Variants in TNRC6C observed in about 807,000 individuals in gnomAD.
The protein encoded by TNRC6C is trinucleotide repeat-containing gene 6C protein.
A neutral mutation model predicts 153.7 loss-of-function variants in TNRC6C; 20 were observed. The observed-to-expected ratio is 0.13, with a 90% CI of 0.09 to 0.19. The LOEUF is 0.19. Among genes scored for constraint, TNRC6C ranks in the 10% least tolerant of loss-of-function variants. TNRC6C has a pLI of 1.00. For missense variants in TNRC6C, 1,987 were observed against 2,172.0 expected, an observed-to-expected ratio of 0.91 and a Z score of 1.69; for synonymous variants, 811 against 841.4, an observed-to-expected ratio of 0.96 and a Z score of 0.63.
At chr17:78,094,375 A>G (rs1344605136) in intron 16 of TNRC6C, among the ~76,000 whole-genome samples, 1 of 151,676 alleles carries the variant, frequency 6.6e-6, no homozygotes, top group East Asian at 1.9e-4. Context: ...TTCCCAAAAC[A>G]TTGAATTTCC....
chr17:77,981,357 G>T (rs980659006), intron 1 of TNRC6C, among the ~76,000 whole-genome samples: 1 of 152,182 alleles, frequency 6.6e-6, no homozygotes, highest in African/African-American at 2.4e-5. Context: ...GGAGGGTAGG[G>T]CTGAAAGTCC....
At chr17:78,038,657 C>T (rs1457939811) in intron 2 of TNRC6C, among the ~76,000 whole-genome samples, 11 of 137,650 alleles carry the variant, frequency 8.0e-5, no homozygotes, top group Admixed American at 1.6e-4. Context: ...CCAGCCTGGG[C>T]GACAGAGCGA....
At chr17:78,055,413 G>A (rs1433221747) in intron 3 of TNRC6C, among the ~76,000 whole-genome samples, 2 of 152,168 alleles carry the variant, frequency 1.3e-5, no homozygotes, top group Non-Finnish European at 2.9e-5. Flanking sequence ...AGTTGTGTGT[G>A]CTAGACCTTG....
In TNRC6C at chr17:78,079,613, C is replaced by T. The variant is rs2073143906; in HGVS notation, c.3357+72C>T. On this transcript the variant is annotated intron_variant, in intron 10 of 19. Transcript: ENST00000301624. This position sits in a 1 kb window ranked among gnomAD's most constrained non-coding sequence, Gnocchi z 4.3. ...AGTGTTTCGTGGGGTCCTGTGTTAT[C>T]TGGAAGTCACTATTTTAAAGTGAGA... 6.5e-7 allele frequency: 1 copy of T among 1,542,558 alleles called. No homozygotes were observed. Among genetic ancestry groups the T allele is most frequent in the South Asian group, 1.2e-5 (1 of 83,038 alleles).
chr17:77,993,132 T>C (rs2071277367), intron 1 of TNRC6C, among the ~76,000 whole-genome samples: 2 of 152,134 alleles, frequency 1.3e-5, no homozygotes, highest in Non-Finnish European at 2.9e-5. Flanking sequence ...CAGCTAATTT[T>C]TGTATATTTA....
chr17:78,060,806 G>A (rs752747085), intron 3 of TNRC6C, among the ~76,000 whole-genome samples: 1 of 152,182 alleles, frequency 6.6e-6, no homozygotes, highest in Non-Finnish European at 1.5e-5. Flanking sequence ...TATGTAAGTG[G>A]CATCTGTGGA....
chr17:77,978,957 C>T (rs1157815235), intron 1 of TNRC6C, among the ~76,000 whole-genome samples: 1 of 152,196 alleles, frequency 6.6e-6, no homozygotes, highest in Non-Finnish European at 1.5e-5. Flanking sequence ...GTAACATTCA[C>T]AGCCTCAGCC....
At chr17:77,991,344 A>G (rs1388559839) in intron 1 of TNRC6C, among the ~76,000 whole-genome samples, 2 of 152,218 alleles carry the variant, frequency 1.3e-5, no homozygotes, top group Non-Finnish European at 2.9e-5. Context: ...GGAGGTGGGC[A>G]GCCATCCACT....
Position 78,087,102 on chromosome 17 carries a change from C to T in TNRC6C, c.3802+9C>T. ...TGCTCCTTACCCTCTCGGTGAGTGT[C>T]CCATGGTCTTCAACAGCCACATCAG... On this transcript the variant is annotated intron_variant, in intron 13 of 19. Transcript: ENST00000301624. 1 of 1,612,002 alleles carries T rather than the reference C, an allele frequency of 6.2e-7. No homozygotes were observed. Among genetic ancestry groups the T allele is most frequent in the Non-Finnish European group, 8.5e-7 (1 of 1,179,248 alleles).
chr17:78,103,398 G>A lies in TNRC6C; in HGVS notation c.4573-16G>A. 6.2e-7 allele frequency: 1 copy of A among 1,613,446 alleles called. No homozygotes were observed. Among genetic ancestry groups the A allele is most frequent in the Non-Finnish European group, 8.5e-7 (1 of 1,179,552 alleles). ...CAGAAGAAAGCTCATTCATGTCCCT[G>A]TGCTTCCTCTATCAGATTGATGGTT... On this transcript the variant is annotated splice_polypyrimidine_tract_variant and intron_variant, in intron 18 of 19. Transcript: ENST00000301624.
At chr17:77,991,243 G>GA (rs2071245145) in intron 1 of TNRC6C, among the ~76,000 whole-genome samples, 1 of 152,194 alleles carries the variant, frequency 6.6e-6, no homozygotes, top group Admixed American at 6.5e-5. Context: ...TCAGGGGCTT[G>GA]ATGTATGTAT....
chr17:78,083,103 A>G (rs751550547), exon 11 of TNRC6C: 28 of 1,613,890 alleles, frequency 1.7e-5, no homozygotes, highest in African/African-American at 1.1e-4. Context: ...ACCCTGCACT[A>G]TTAACCTCGC....
At chr17:77,980,486 A>G (rs1247479308) in intron 1 of TNRC6C, among the ~76,000 whole-genome samples, 3 of 152,204 alleles carry the variant, frequency 2.0e-5, no homozygotes, top group Admixed American at 6.5e-5. Flanking sequence ...GGTCGGTCTC[A>G]ACACAGAAGA....
Position 78,049,072 on chromosome 17 carries a change from G to A in TNRC6C, c.10G>A (p.Gly4Arg), listed in dbSNP as rs1234604008. Residue 4 changes from glycine to arginine, a missense_variant, in exon 3 of 20, where the codon GGG (glycine) becomes AGG (arginine). This residue lies in a region of TNRC6C where 1,052 missense variants were observed against 1,017.0 expected (regional missense o/e 1.03). Transcript: ENST00000301624. The surrounding 1 kb of genome is among the most constrained non-coding windows in gnomAD (Gnocchi z 4.1). ...CTCAGAGAACAGTAGCATGGCTACAGGGAGTGCCCAGGGCAACTTCACTGG... is the reference window on the plus strand; with the variant it reads ...CTCAGAGAACAGTAGCATGGCTACAAGGAGTGCCCAGGGCAACTTCACTGG... 4 of 1,541,036 alleles carry A rather than the reference G, an allele frequency of 2.6e-6. No homozygotes were observed. The highest frequency in any genetic ancestry group is 2.0e-5 in the Admixed American group (1 of 51,200).
At chr17:78,088,495 T>C (rs1273730451) in intron 13 of TNRC6C, among the ~76,000 whole-genome samples, 1 of 152,116 alleles carries the variant, frequency 6.6e-6, no homozygotes, top group Non-Finnish European at 1.5e-5. Context: ...GTGTTAGGAT[T>C]ACAGGCCTGA....
chr17:78,016,265 C>G (rs779254940), intron 1 of TNRC6C, among the ~76,000 whole-genome samples: 1 of 152,186 alleles, frequency 6.6e-6, no homozygotes, highest in Non-Finnish European at 1.5e-5. Flanking sequence ...GGAATGTGGC[C>G]CCTGCACAGA....
chr17:78,073,389 ACACTAGAC>A (rs536262701), intron 7 of TNRC6C, among the ~76,000 whole-genome samples: 160 of 152,346 alleles, frequency 1.1e-3, no homozygotes, highest in Middle Eastern at 6.8e-3. Flanking sequence ...CTGGAACCAC[ACACTAGAC>A]TTCAGTGGAC....
chr17:78,068,934 G>A (rs1161302533), intron 5 of TNRC6C, among the ~76,000 whole-genome samples: 1 of 152,074 alleles, frequency 6.6e-6, no homozygotes, highest in Admixed American at 6.6e-5. Context: ...CAGCATGACT[G>A]AATTTCAAGT....
At chr17:78,100,226 T>G (rs1229627484) in intron 17 of TNRC6C, among the ~76,000 whole-genome samples, 1 of 152,252 alleles carries the variant, frequency 6.6e-6, no homozygotes, top group Non-Finnish European at 1.5e-5. Context: ...CTCATAGCTC[T>G]ACTAGGTGGT....
Sources: gnomAD v4.1 joint callset for allele counts (sites outside exome capture counted in the v4.1 genomes callset) on GRCh38, gnomAD v4.1.1 for gene constraint, gnomAD v4.1.1 regional missense constraint, Gnocchi (gnomAD v3.1) non-coding constraint, MANE v1.5 for transcripts, NCBI Gene and HGNC (gene_info 2026-07-23, HGNC 2026-07-21) for gene names.